Variants in ZCWPW2 observed in about 807,000 individuals in gnomAD.
ZCWPW2 encodes zinc finger CW-type PWWP domain protein 2.
A neutral mutation model predicts 46.6 loss-of-function variants in ZCWPW2; 45 were observed. The observed-to-expected ratio is 0.96, with a 90% CI of 0.76 to 1.24. The LOEUF (loss-of-function observed/expected upper bound fraction) is 1.24, where lower values mean the gene tolerates loss of function less well. Ranked by LOEUF, ZCWPW2 falls within the 50% of genes most tolerant of loss-of-function variation. The pLI is 0.00. For missense variants in ZCWPW2, 429 were observed against 403.9 expected (o/e 1.06, Z -0.53); for synonymous variants, 152 against 137.1 (o/e 1.11, Z -0.76).
chr3:28,386,326 C>T (rs1416346685), intron 1 of ZCWPW2, among the ~76,000 whole-genome samples: 3 of 152,094 alleles, frequency 2.0e-5, no homozygotes, highest in African/African-American at 7.2e-5. Flanking sequence ...AGAAAGAGAG[C>T]CCTCACCAGA....
intron 2 of ZCWPW2, among the ~76,000 whole-genome samples, chr3:28,399,732 G>C (rs926100814): frequency 2.0e-5 from 3 of 152,190 alleles, no homozygotes; most frequent in Non-Finnish European, 4.4e-5. Flanking sequence ...AAAAAGGGGA[G>C]AGTACTACAT....
chr3:28,400,090 A>T (rs1695862798), intron 2 of ZCWPW2, among the ~76,000 whole-genome samples: 1 of 152,178 alleles, frequency 6.6e-6, no homozygotes, highest in Non-Finnish European at 1.5e-5. Flanking sequence ...ACAAAAAAAC[A>T]ATCAAAACTT....
intron 3 of ZCWPW2, among the ~76,000 whole-genome samples, chr3:28,425,397 A>C (rs533121128): frequency 6.6e-6 from 1 of 152,348 alleles, no homozygotes; most frequent in East Asian, 1.9e-4. Flanking sequence ...CAATAGAAAA[A>C]TATAAGGATA....
At chr3:28,497,286 ATT>A (rs549694875) in intron 6 of ZCWPW2, among the ~76,000 whole-genome samples, 1 of 147,874 alleles carries the variant, frequency 6.8e-6, no homozygotes, top group Admixed American at 6.8e-5. Context: ...ATGTTTTGTG[ATT>A]TTTTTTTTAC....
intron 4 of ZCWPW2, among the ~76,000 whole-genome samples, chr3:28,442,635 T>A (rs980470107): frequency 3.3e-5 from 5 of 152,324 alleles, no homozygotes; most frequent in African/African-American, 1.2e-4. Context: ...GAGAAAAAGG[T>A]ATTTGCCAAG....
chr3:28,380,934 GTATATATATATA>G (rs578178124), intron 1 of ZCWPW2, among the ~76,000 whole-genome samples: 1,598 of 13,366 alleles, frequency 0.12, 294 homozygotes, highest in African/African-American at 0.23. Context: ...TATATATTTG[GTATATATATATA>G]TATATATATA....
In ZCWPW2 at chr3:28,414,393, G is replaced by C. The variant is rs117584994; in HGVS notation, c.332+993G>C. 2.1e-4 allele frequency among the ~76,000 whole-genome samples: 32 copies of C among 150,702 alleles called. No individual in the cohort carries two copies. The East Asian group carries it at 6.1e-3, about 29-fold the overall frequency. ...TCCGGGATACATGTGCAGGTTTGTT[G>C]TATAGGGAAACTCGTTTCATGGGGG... On this transcript the variant is annotated intron_variant, in intron 3 of 9. Coordinates refer to ENST00000383768, the MANE Select transcript of ZCWPW2 (RefSeq NM_001040432.4).
intron 1 of ZCWPW2, among the ~76,000 whole-genome samples, chr3:28,378,290 CTAAA>C (rs1202695923): frequency 2.0e-5 from 3 of 151,718 alleles, no homozygotes; most frequent in South Asian, 2.1e-4. Flanking sequence ...TAGAAGAAAA[CTAAA>C]TAATTATTTG....
At chr3:28,521,146 A>G (rs751792733) in intron 9 of ZCWPW2, 30 bp downstream of exon 9, 3 of 1,571,430 alleles carry the variant, frequency 1.9e-6, no homozygotes, top group Non-Finnish European at 2.6e-6. Flanking sequence ...TCAGACCTAA[A>G]TAACAACTTC....
intron 1 of ZCWPW2, among the ~76,000 whole-genome samples, chr3:28,368,508 G>T (rs1705204315): frequency 6.6e-6 from 1 of 152,116 alleles, no homozygotes; most frequent in South Asian, 2.1e-4. Flanking sequence ...CTGGCTTGTA[G>T]AGTTTCTGCC....
intron 8 of ZCWPW2, among the ~76,000 whole-genome samples, chr3:28,520,412 C>T (rs1356460496): frequency 6.6e-6 from 1 of 152,184 alleles, no homozygotes; most frequent in Admixed American, 6.6e-5. Context: ...AGCCTAGCCA[C>T]TTAATTACAA....
At chr3:28,380,019 G>T (rs1318008898) in intron 1 of ZCWPW2, among the ~76,000 whole-genome samples, 1 of 151,826 alleles carries the variant, frequency 6.6e-6, no homozygotes, top group African/African-American at 2.4e-5. Flanking sequence ...GTCTAGCTCT[G>T]TCGCTCAGGC....
In ZCWPW2 at chr3:28,484,413, CT is replaced by C. The variant is rs1480154623; in HGVS notation, c.610+5487del. On this transcript the variant is annotated intron_variant, in intron 5 of 9. Transcript: ENST00000383768. ...CCAGTGAACCCATCTGGGCTTGCTG[CT>C]TTTTGTTTGGGAAGGTTATTATATT... Among the ~76,000 whole-genome samples the C allele has an allele frequency of 5.3e-5, 8 of 152,154 alleles. No homozygotes were observed. The South Asian group carries it at 6.2e-4, about 12-fold the overall frequency.
At chr3:28,408,384 T>C (rs1421970073) in intron 2 of ZCWPW2, among the ~76,000 whole-genome samples, 8 of 152,226 alleles carry the variant, frequency 5.3e-5, no homozygotes, top group Admixed American at 5.2e-4. Flanking sequence ...CAGTAATTAC[T>C]TTCTTCTTTC....
At chr3:28,488,850 T>C (rs1699699246) in intron 5 of ZCWPW2, among the ~76,000 whole-genome samples, 1 of 152,184 alleles carries the variant, frequency 6.6e-6, no homozygotes, top group Admixed American at 6.6e-5. Flanking sequence ...ATTAAATCTT[T>C]CTCACAAGAG....
intron 2 of ZCWPW2, among the ~76,000 whole-genome samples, chr3:28,411,424 A>T (rs1421018386): frequency 6.6e-6 from 1 of 151,854 alleles, no homozygotes; most frequent in Non-Finnish European, 1.5e-5. Context: ...CAAAAACCGT[A>T]CTCCCAACAT....
At chr3:28,422,317 A>G (rs1473776452) in intron 3 of ZCWPW2, among the ~76,000 whole-genome samples, 1 of 152,182 alleles carries the variant, frequency 6.6e-6, no homozygotes, top group Non-Finnish European at 1.5e-5. Flanking sequence ...TGTGTCCACC[A>G]TTATAGTATA....
intron 1 of ZCWPW2, among the ~76,000 whole-genome samples, chr3:28,373,011 A>T (rs1175590334): frequency 6.6e-6 from 1 of 152,030 alleles, no homozygotes; most frequent in Non-Finnish European, 1.5e-5. Flanking sequence ...CCATATCTAT[A>T]TCTATCTATC....
At chr3:28,495,022 C>G (rs998011954) in intron 6 of ZCWPW2, among the ~76,000 whole-genome samples, 2 of 151,936 alleles carry the variant, frequency 1.3e-5, no homozygotes, top group African/African-American at 4.8e-5. Flanking sequence ...TTTATAGATT[C>G]AATGCCATCC....
Sources: gnomAD v4.1 joint callset for allele counts (sites outside exome capture counted in the v4.1 genomes callset) on GRCh38, gnomAD v4.1.1 for gene constraint, MANE v1.5 for transcripts, NCBI Gene and HGNC (gene_info 2026-07-23, HGNC 2026-07-21) for gene names.